The following ST3GAL2 variants were observed in gnomAD, a reference collection of about 807,000 sequenced individuals.
The protein encoded by ST3GAL2 is CMP-N-acetylneuraminate-beta-galactosamide-alpha-2,3-sialyltransferase 2.
In ST3GAL2, 16 loss-of-function variants were observed where a neutral mutation model predicts 37.5. The ratio of observed to expected loss-of-function variants is 0.43; its 90% CI spans 0.29 to 0.65. The LOEUF (loss-of-function observed/expected upper bound fraction) is 0.65. ST3GAL2 is among the 30% of genes least tolerant of loss of function. The probability of loss-of-function intolerance (pLI) is 0.17; values close to 1 mark genes in which losing one functional copy is unlikely to be tolerated. For missense variants in ST3GAL2, 383 were observed against 487.8 expected (o/e 0.79, Z 2.02); for synonymous variants, 238 against 202.9 (o/e 1.17, Z -1.47).
At chr16:70,433,685 G>A (rs1010286194) in intron 1 of ST3GAL2, among the ~76,000 whole-genome samples, 1 of 152,160 alleles carries the variant, frequency 6.6e-6, no homozygotes, top group Non-Finnish European at 1.5e-5. Context: ...ACTGGCCTTT[G>A]GTTCCTGCTG....
At chr16:70,399,777 T>G (rs1156248511) in intron 1 of ST3GAL2, 4 of 228,360 alleles carry the variant, frequency 1.8e-5, no homozygotes, top group African/African-American at 9.0e-5. Flanking sequence ...ACGAGTCAAG[T>G]GATTTTCCCT....
In ST3GAL2 at chr16:70,376,677, T is replaced by C. The variant is rs192024867; in HGVS notation, c.*5012A>G. ...TATAGTTTCAGTATTTTACCTTCCC[T>C]GATGCCTCTGACCTTGCCAGACAGT... On this transcript the variant is annotated 3_prime_UTR_variant, in exon 7 of 7. Coordinates refer to ENST00000342907, the MANE Select transcript of ST3GAL2 (RefSeq NM_006927.4). 3.9e-5 allele frequency: 6 copies of C among 152,298 alleles called. No individual in the cohort carries two copies. The East Asian group carries it at 9.6e-4, about 24-fold the overall frequency. The allele number at this position is 152,298 out of a possible 1,614,324, so 9.4% of individuals were successfully genotyped here.
At chr16:70,389,817 T>A (rs1213828763) in intron 3 of ST3GAL2, among the ~76,000 whole-genome samples, 1 of 141,690 alleles carries the variant, frequency 7.1e-6, no homozygotes, top group East Asian at 2.2e-4. Flanking sequence ...GACGGAGTCT[T>A]GCTCTGTCGC....
chr16:70,404,817 G>A (rs910364014), intron 1 of ST3GAL2, among the ~76,000 whole-genome samples: 6 of 152,084 alleles, frequency 3.9e-5, no homozygotes, highest in Admixed American at 2.0e-4. Flanking sequence ...GGCAGATCAC[G>A]AGGTCAAGAG....
chr16:70,409,235 G>T (rs1186552242), intron 1 of ST3GAL2, among the ~76,000 whole-genome samples: 2 of 152,182 alleles, frequency 1.3e-5, no homozygotes, highest in Non-Finnish European at 2.9e-5. Flanking sequence ...TCCAGGGGTT[G>T]GAGCCTGGGC....
intron 3 of ST3GAL2, among the ~76,000 whole-genome samples, chr16:70,393,222 T>A (rs1481487229): frequency 6.6e-6 from 1 of 151,924 alleles, no homozygotes; most frequent in Admixed American, 6.6e-5. Flanking sequence ...GGATTATAGT[T>A]ACCCACCACC....
intron 1 of ST3GAL2, among the ~76,000 whole-genome samples, chr16:70,410,240 C>T (rs1321259233): frequency 2.1e-4 from 13 of 62,654 alleles, no homozygotes; most frequent in East Asian, 1.1e-3. Flanking sequence ...CCACCCTCAC[C>T]TTTTTTTTTT....
intron 1 of ST3GAL2, among the ~76,000 whole-genome samples, chr16:70,402,823 G>A (rs923989455): frequency 6.6e-6 from 1 of 152,034 alleles, no homozygotes; most frequent in African/African-American, 2.4e-5. Context: ...CTAATTTTTT[G>A]TATTTTTAGT....
chr16:70,378,569 G>A lies in ST3GAL2; in HGVS notation c.*3120C>T, dbSNP rs1342684268. 6.6e-6 allele frequency: 1 copy of A among 151,438 alleles called. No individual in the cohort carries two copies. Among genetic ancestry groups the A allele is most frequent in the Non-Finnish European group, 1.5e-5 (1 of 67,994 alleles). 9.4% of individuals were successfully genotyped at this position (151,438 alleles called of 1,614,324 possible). On this transcript the variant is annotated 3_prime_UTR_variant, in exon 7 of 7. Coordinates refer to ENST00000342907, the MANE Select transcript of ST3GAL2 (RefSeq NM_006927.4). Reference sequence around the variant, plus strand: ...TACAAAAAAACTGCCGGGCATCGTGGCGGTCACCTGTAGTCTCAGCTACTC... The same window carrying A: ...TACAAAAAAACTGCCGGGCATCGTGACGGTCACCTGTAGTCTCAGCTACTC...
Position 70,400,160 on chromosome 16 carries a change from T to C in ST3GAL2, c.-1003-627A>G, listed in dbSNP as rs191475830. ...CCCTGAGGGCAGTTGTCTACATCCA[T>C]CTGTACATTATGGACAAAGTGAATG... On this transcript the variant is annotated intron_variant, in intron 1 of 6. Coordinates refer to ENST00000342907, the MANE Select transcript of ST3GAL2 (RefSeq NM_006927.4). The C allele has an allele frequency of 1.3e-4, 20 of 152,404 alleles. 1 individual carries two copies. The highest frequency in any genetic ancestry group is 4.8e-4 in the African/African-American group (20 of 41,580). 9.4% of individuals were successfully genotyped at this position (152,404 alleles called of 1,614,324 possible).
At chr16:70,383,342 G>A (rs976532492) in intron 4 of ST3GAL2, 107 bp from the exon 5 acceptor site, 1 of 1,060,112 alleles carries the variant, frequency 9.4e-7, no homozygotes, top group African/African-American at 1.6e-5. Context: ...CCTGAGGCCA[G>A]GAGTTCGAGG....
intron 1 of ST3GAL2, among the ~76,000 whole-genome samples, chr16:70,410,439 G>A (rs1269705769): frequency 1.3e-5 from 2 of 150,672 alleles, no homozygotes; most frequent in East Asian, 1.9e-4. Context: ...ATTTTTAGTA[G>A]AGACAGGGCT....
rs145349490 is a variant in ST3GAL2 at position 70,388,499 on chromosome 16, C to T, written c.581G>A (p.Arg194Gln). The stretch of plus-strand genomic sequence containing the variant: ...AGGGTACATGAAATGGTGGGTGGTT[C>T]GGCTGCCAACATCCTGCTCAAAGCC... ...TVGFEQDVGS[R>Q]TTHHFMYPES... The change falls in exon 4 of 7, where the codon CGA (arginine) becomes CAA (glutamine). Residue 194 changes from arginine to glutamine, a missense_variant. Around this residue, in one of 2 missense-constraint regions of ST3GAL2, gnomAD observed 160 missense variants for 248.6 expected, o/e 0.64. Coordinates refer to ENST00000342907, the MANE Select transcript of ST3GAL2 (RefSeq NM_006927.4). The T allele has an allele frequency of 4.3e-5, 70 of 1,612,580 alleles. No homozygotes were observed. The highest frequency in any genetic ancestry group is 6.7e-5 in the Admixed American group (4 of 59,846).
At chr16:70,389,065 C>A (rs1414237255) in intron 3 of ST3GAL2, among the ~76,000 whole-genome samples, 2 of 122,794 alleles carry the variant, frequency 1.6e-5, no homozygotes, top group African/African-American at 6.7e-5. Context: ...CAGAACAAGA[C>A]TCTTGTCTCC....
In ST3GAL2 at chr16:70,381,569, C is replaced by A. The variant is rs1362710646; in HGVS notation, c.*120G>T. ...GCCGGTCCCCCAGTCTCGTGATTGG[C>A]GGGGCACAGCAGACGCCCCTGGGCT... On this transcript the variant is annotated 3_prime_UTR_variant, in exon 7 of 7. Transcript: ENST00000342907. 1.6e-6 allele frequency: 2 copies of A among 1,234,956 alleles called. No individual in the cohort carries two copies. The highest frequency in any genetic ancestry group is 2.2e-6 in the Non-Finnish European group (2 of 910,966). 76.5% of individuals were successfully genotyped at this position (1,234,956 alleles called of 1,614,324 possible). A position where few individuals can be genotyped will look rare whatever the true frequency, so the allele number is the denominator to read the frequency against.
intron 1 of ST3GAL2, among the ~76,000 whole-genome samples, chr16:70,407,173 C>T (rs1198093660): frequency 4.7e-5 from 7 of 148,984 alleles, no homozygotes; most frequent in Non-Finnish European, 8.9e-5. Context: ...TGGAGTCTCA[C>T]TCGGTTGCCC....
intron 2 of ST3GAL2, among the ~76,000 whole-genome samples, chr16:70,397,044 T>TC (rs1025871201): frequency 2.0e-3 from 2 of 994 alleles, no homozygotes; most frequent in Non-Finnish European, 3.2e-3. Flanking sequence ...CTTTTCTTTC[T>TC]TTTTTTTTTT....
chr16:70,425,706 G>A (rs2047745121), intron 1 of ST3GAL2, among the ~76,000 whole-genome samples: 1 of 151,996 alleles, frequency 6.6e-6, no homozygotes. Context: ...TGGGTAACAA[G>A]AGCGAAACTC....
chr16:70,417,687 GGA>G (rs1369890954), intron 1 of ST3GAL2, among the ~76,000 whole-genome samples: 1 of 152,212 alleles, frequency 6.6e-6, no homozygotes, highest in African/African-American at 2.4e-5. Flanking sequence ...CCTGAAGGTA[GGA>G]GAGAGGGGGA....
Sources: allele counts gnomAD v4.1 joint callset (sites outside exome capture counted in the v4.1 genomes callset), GRCh38; gene constraint gnomAD v4.1.1; regional missense constraint gnomAD v4.1.1; transcripts MANE v1.5; gene names NCBI Gene and HGNC (gene_info 2026-07-23, HGNC 2026-07-21).